ZNRF3: variants seen among roughly 807,000 people sequenced by gnomAD.
ZNRF3 encodes the protein E3 ubiquitin-protein ligase ZNRF3.
A neutral mutation model predicts 72.5 loss-of-function variants in ZNRF3; 23 were observed. The ratio of observed to expected loss-of-function variants is 0.32; its 90% confidence interval spans 0.23 to 0.45. The LOEUF is 0.45. ZNRF3 is among the 20% of genes least tolerant of loss of function. The probability of loss-of-function intolerance (pLI) is 1.00; values close to 1 mark genes in which losing one functional copy is unlikely to be tolerated. For synonymous variants in ZNRF3, 610 were observed against 545.3 expected (o/e 1.12, Z -1.65); for missense variants, 1,169 against 1,272.1 (o/e 0.92, Z 1.23).
chr22:28,884,920 T>G lies in ZNRF3; in HGVS notation c.300+854T>G, dbSNP rs952955171. On this transcript the variant is annotated intron_variant, in intron 1 of 8. Coordinates refer to ENST00000544604, the MANE Select transcript of ZNRF3 (RefSeq NM_001206998.2). ...AAGCTTCTGCGGATGGTTAGCTGGG[T>G]GGATGTCTTCCCGCTTCCTTGGCCG... 5.9e-5 allele frequency among the ~76,000 whole-genome samples: 9 copies of G among 152,250 alleles called. No individual in the cohort carries two copies. The South Asian group carries it at 1.0e-3, about 18-fold the overall frequency.
chr22:28,980,844 C>T (rs1340019289), intron 1 of ZNRF3, among the ~76,000 whole-genome samples: 1 of 152,056 alleles, frequency 6.6e-6, no homozygotes, highest in African/African-American at 2.4e-5. Flanking sequence ...GTTTCCATGT[C>T]TATTTGATTT....
chr22:28,914,916 G>A (rs760864004), intron 1 of ZNRF3, among the ~76,000 whole-genome samples: 11 of 152,100 alleles, frequency 7.2e-5, no homozygotes, highest in Admixed American at 2.6e-4. Context: ...TCTAGCTTTC[G>A]ATGAGGCCCC....
chr22:28,897,801 A>C (rs1187526573), intron 1 of ZNRF3, among the ~76,000 whole-genome samples: 1 of 152,098 alleles, frequency 6.6e-6, no homozygotes, highest in East Asian at 1.9e-4. Context: ...GAATCAGAGC[A>C]CTCCATCTCC....
chr22:28,919,869 C>T (rs1168215873), intron 1 of ZNRF3, among the ~76,000 whole-genome samples: 3 of 152,108 alleles, frequency 2.0e-5, no homozygotes, highest in South Asian at 2.1e-4. Context: ...TAATTCTGTG[C>T]CCCAAACCTG....
At chr22:28,905,623 A>G (rs1409082234) in intron 1 of ZNRF3, among the ~76,000 whole-genome samples, 1 of 152,180 alleles carries the variant, frequency 6.6e-6, no homozygotes, top group Non-Finnish European at 1.5e-5. Context: ...TTGTGAAACA[A>G]TCCAAATTAC....
intron 1 of ZNRF3, among the ~76,000 whole-genome samples, chr22:28,886,860 G>C (rs758345397): frequency 5.3e-5 from 8 of 152,092 alleles, no homozygotes; most frequent in Non-Finnish European, 1.0e-4. Context: ...GGAGGCTGAG[G>C]TGGGAGGATT....
At chr22:28,916,589 A>G (rs1051715477) in intron 1 of ZNRF3, among the ~76,000 whole-genome samples, 1 of 152,166 alleles carries the variant, frequency 6.6e-6, no homozygotes, top group African/African-American at 2.4e-5. Flanking sequence ...CATTTTCAGC[A>G]CTTAGCAGAG....
At chr22:29,004,607 A>T (rs898129950) in intron 2 of ZNRF3, among the ~76,000 whole-genome samples, 1 of 152,216 alleles carries the variant, frequency 6.6e-6, no homozygotes, top group Non-Finnish European at 1.5e-5. Context: ...GTCTCCTTTC[A>T]AGCTGTGCTT....
chr22:29,043,301 G>T lies in ZNRF3; in HGVS notation c.504G>T (p.Leu168=). The change falls in exon 4 of 9, where the codon CTG becomes CTT. Residue 168 remains leucine, a splice_region_variant and synonymous_variant. Coordinates refer to ENST00000544604, the MANE Select transcript of ZNRF3 (RefSeq NM_001206998.2). ...VSENPEAIDQ[L]NQGSEDPLKR... is the part of the protein sequence containing the mutation. The stretch of plus-strand genomic sequence containing the variant: ...CAGAGCCCTCTCTTCTTCCTTAGCT[G>T]AACCAGGGCTCTGAAGACCCGCTCA... 1 of 1,613,844 alleles carries T rather than the reference G, an allele frequency of 6.2e-7. No homozygotes were observed. The highest frequency in any genetic ancestry group is 1.1e-5 in the South Asian group (1 of 91,050).
intron 1 of ZNRF3, among the ~76,000 whole-genome samples, chr22:28,953,895 C>T (rs1039875286): frequency 1.3e-5 from 2 of 152,176 alleles, no homozygotes; most frequent in Non-Finnish European, 2.9e-5. Flanking sequence ...CTGGAATTTT[C>T]ACCTTGGCAC....
intron 1 of ZNRF3, among the ~76,000 whole-genome samples, chr22:28,956,567 C>T (rs547805986): frequency 1.3e-5 from 2 of 152,168 alleles, no homozygotes; most frequent in East Asian, 1.9e-4. Context: ...AAGGGGTCTG[C>T]CTTTCAGTCC....
chr22:29,044,756 C>G (rs1254103939), intron 4 of ZNRF3, 24 bp from the exon 5 acceptor site: 3 of 1,541,378 alleles, frequency 1.9e-6, no homozygotes, highest in Non-Finnish European at 2.7e-6. Context: ...GGCTGTGACT[C>G]ACTGTGTCTG....
Position 28,883,823 on chromosome 22 carries a change from G to GCGCCGCCGCCCC in ZNRF3, c.61_72dup (p.Arg21_Arg24dup), listed in dbSNP as rs2033712464. ...CCACGGGCCGCCGCCGCCGCCGCCT[G>GCGCCGCCGCCCC]CGCCGCCGCCCCCGCGGCCTCCGGT... On this transcript the variant is annotated inframe_insertion, in exon 1 of 9. Transcript: ENST00000544604. The surrounding 1 kb of genome is among the most constrained non-coding windows in gnomAD (Gnocchi z 5.5). The GCGCCGCCGCCCC allele has an allele frequency of 1.0e-6, 1 of 978,958 alleles. No individual in the cohort carries two copies. Among genetic ancestry groups the GCGCCGCCGCCCC allele is most frequent in the Non-Finnish European group, 1.2e-6 (1 of 827,222 alleles). 60.6% of individuals were successfully genotyped at this position (978,958 alleles called of 1,614,324 possible). A position where few individuals can be genotyped will look rare whatever the true frequency, so the allele number is the denominator to read the frequency against.
chr22:28,959,181 G>T (rs1222362787), intron 1 of ZNRF3, among the ~76,000 whole-genome samples: 1 of 152,244 alleles, frequency 6.6e-6, no homozygotes, highest in African/African-American at 2.4e-5. Context: ...AGGCAGCTCA[G>T]CTTGCATGAG....
intron 1 of ZNRF3, among the ~76,000 whole-genome samples, chr22:28,886,663 TAAAAG>T (rs1052458594): frequency 6.6e-6 from 1 of 152,128 alleles, no homozygotes; most frequent in African/African-American, 2.4e-5. Context: ...TTTACTATCT[TAAAAG>T]AAAATAGTAG....
At chr22:29,023,012 C>T (rs1190475032) in intron 2 of ZNRF3, among the ~76,000 whole-genome samples, 1 of 152,096 alleles carries the variant, frequency 6.6e-6, no homozygotes, top group Admixed American at 6.5e-5. Context: ...TCGTCCACCC[C>T]CCTCCCACCT....
rs903567136 is a variant in ZNRF3, at chr22:28,983,936, T to G, written c.301-3140T>G. Among the ~76,000 whole-genome samples the G allele has an allele frequency of 2.6e-5, 4 of 152,202 alleles. No individual in the cohort carries two copies. The East Asian group carries it at 7.7e-4, about 29-fold the overall frequency. On this transcript the variant is annotated intron_variant, in intron 1 of 8. Transcript: ENST00000544604. ...TGTTATTTACTTGTGCAAGAACCTGTTTTTCATCTTGTGGTAGGTAGTATT... is the reference window on the plus strand; with the variant it reads ...TGTTATTTACTTGTGCAAGAACCTGGTTTTCATCTTGTGGTAGGTAGTATT...
intron 1 of ZNRF3, among the ~76,000 whole-genome samples, chr22:28,913,752 C>T (rs1323428651): frequency 1.3e-5 from 2 of 152,184 alleles, no homozygotes; most frequent in African/African-American, 2.4e-5. Flanking sequence ...AACAGTACCA[C>T]CGTCCAAGTA....
chr22:28,959,513 G>A (rs1272240274), intron 1 of ZNRF3, among the ~76,000 whole-genome samples: 1 of 152,198 alleles, frequency 6.6e-6, no homozygotes, highest in Non-Finnish European at 1.5e-5. Flanking sequence ...ATATTAAGTA[G>A]AACATACACA....
Sources: allele counts gnomAD v4.1 joint callset (sites outside exome capture counted in the v4.1 genomes callset), GRCh38; gene constraint gnomAD v4.1.1; non-coding constraint Gnocchi (gnomAD v3.1); transcripts MANE v1.5; gene names NCBI Gene and HGNC (gene_info 2026-07-23, HGNC 2026-07-21).